The following P2RY2 variants were observed in gnomAD, a reference collection of about 807,000 sequenced individuals.
P2RY2 encodes purinergic receptor P2Y2.
For missense variants in P2RY2, 567 were observed against 515.7 expected (o/e 1.10, Z -0.96); for synonymous variants, 241 against 231.9 (o/e 1.04, Z -0.35).
In P2RY2 at chr11:73,235,610, A is replaced by G; in HGVS notation, c.*317A>G. On this transcript the variant is annotated 3_prime_UTR_variant, in exon 3 of 3. Transcript: ENST00000393597. Reference sequence around the variant, plus strand: ...TGTACTGCCAAGGTACCTAGGTTGGAGTCCAGCCTAATCAAGTCAAATGGA... The same window carrying G: ...TGTACTGCCAAGGTACCTAGGTTGGGGTCCAGCCTAATCAAGTCAAATGGA... 1 of 1,085,900 alleles carries G rather than the reference A, an allele frequency of 9.2e-7. No individual in the cohort carries two copies. Among genetic ancestry groups the G allele is most frequent in the Non-Finnish European group, 1.1e-6 (1 of 886,698 alleles). 67.3% of individuals were successfully genotyped at this position (1,085,900 alleles called of 1,614,324 possible). A position where few individuals can be genotyped will look rare whatever the true frequency, so the allele number is the denominator to read the frequency against.
intron 1 of P2RY2, among the ~76,000 whole-genome samples, chr11:73,222,679 G>A (rs1372445435): frequency 6.6e-6 from 1 of 152,024 alleles, no homozygotes. Context: ...TGCCTTCAGA[G>A]CCCTCCTCCC....
At position 73,228,195 on chromosome 11, in the gene P2RY2, G is replaced by GGGGC. The variant is rs1862341926; in HGVS notation, c.-5+23_-5+24insCGGG. 1 of 132,822 alleles carries GGGGC rather than the reference G, an allele frequency of 7.5e-6. No homozygotes were observed. Among genetic ancestry groups the GGGGC allele is most frequent in the African/African-American group, 2.6e-5 (1 of 37,940 alleles). 8.2% of individuals were successfully genotyped at this position (132,822 alleles called of 1,614,324 possible). ...GGTCAGGTACGTGGGGTGGGGGTGG[G>GGGGC]GGGGAGCGGGTACGCTGGCCGGGAG... is the stretch of plus-strand genomic sequence containing the variant. On this transcript the variant is annotated intron_variant, in intron 2 of 2. Transcript: ENST00000393597.
chr11:73,230,367 A>G (rs1477459046), intron 2 of P2RY2, among the ~76,000 whole-genome samples: 4 of 151,692 alleles, frequency 2.6e-5, no homozygotes, highest in Non-Finnish European at 4.4e-5. Context: ...CTGGCTCACC[A>G]CAATCACCTC....
chr11:73,235,353 G>A lies in P2RY2; in HGVS notation c.*60G>A. 3 of 1,508,814 alleles carry A rather than the reference G, an allele frequency of 2.0e-6. No homozygotes were observed. Among genetic ancestry groups the A allele is most frequent in the Non-Finnish European group, 2.7e-6 (3 of 1,128,866 alleles). 93.5% of individuals were successfully genotyped at this position (1,508,814 alleles called of 1,614,324 possible). On this transcript the variant is annotated 3_prime_UTR_variant, in exon 3 of 3. Coordinates refer to ENST00000393597, the MANE Select transcript of P2RY2 (RefSeq NM_002564.4). ...GGGAAGCTGTAGAGGACCAGGACTT[G>A]TGCAGACGCCACAGTCTCCCCAGAT...
chr11:73,234,773 TG>T lies in P2RY2; in HGVS notation c.615del (p.Leu206SerfsTer21), dbSNP rs759956382. The T allele has an allele frequency of 3.1e-6, 5 of 1,611,748 alleles. No individual in the cohort carries two copies. Among genetic ancestry groups the T allele is most frequent in the Non-Finnish European group, 4.2e-6 (5 of 1,179,942 alleles). ...FVAYSSVMLG[L>X]LFAVPFAVIL... ...GCCTACAGCTCAGTCATGCTGGGCC[TG>T]CTCTTCGCGGTGCCCTTTGCCGTCA... On this transcript the variant is annotated frameshift_variant, in exon 3 of 3. Transcript: ENST00000393597. LOFTEE classifies it low-confidence loss of function (END_TRUNC).
chr11:73,232,698 C>T (rs1050450003), intron 2 of P2RY2, among the ~76,000 whole-genome samples: 1 of 152,168 alleles, frequency 6.6e-6, no homozygotes, highest in African/African-American at 2.4e-5. Context: ...TGTGAGCCAC[C>T]GCGCCCGGCC....
rs1862709374 is a variant in P2RY2 at position 73,238,600 on chromosome 11, C to T, written c.*3307C>T. ...AGGGAAGTCGTGTATTGACCCATGT[C>T]CCACGCACCCTCTCATCTATGTTAT... On this transcript the variant is annotated 3_prime_UTR_variant, in exon 3 of 3. Transcript: ENST00000393597. Among the ~76,000 whole-genome samples the T allele has an allele frequency of 6.6e-6, 1 of 152,192 alleles. No individual in the cohort carries two copies. Among genetic ancestry groups the T allele is most frequent in the South Asian group, 2.1e-4 (1 of 4,834 alleles).
Position 73,234,447 on chromosome 11 carries a change from C to T in P2RY2, c.288C>T (p.Gly96=). 6.2e-7 allele frequency: 1 copy of T among 1,614,100 alleles called. No homozygotes were observed. Among genetic ancestry groups the T allele is most frequent in the South Asian group, 1.1e-5 (1 of 91,088 alleles). ...TGCTGGTCTATTACTACGCCCGCGGCGACCACTGGCCCTTCAGCACGGTGC... is the reference window on the plus strand; with the variant it reads ...TGCTGGTCTATTACTACGCCCGCGGTGACCACTGGCCCTTCAGCACGGTGC... ...LPLLVYYYAR[G]DHWPFSTVLC... The change falls in exon 3 of 3, where the codon GGC becomes GGT. Residue 96 remains glycine (G), a synonymous_variant. Coordinates refer to ENST00000393597, the MANE Select transcript of P2RY2 (RefSeq NM_002564.4).
chr11:73,224,219 T>A (rs554671607), intron 1 of P2RY2, among the ~76,000 whole-genome samples: 2 of 152,286 alleles, frequency 1.3e-5, no homozygotes, highest in Admixed American at 6.5e-5. Context: ...TTGAAGGACA[T>A]TGGGGAGGAG....
intron 1 of P2RY2, among the ~76,000 whole-genome samples, chr11:73,218,954 G>T (rs936242144): frequency 5.9e-5 from 9 of 152,180 alleles, no homozygotes; most frequent in Non-Finnish European, 1.2e-4. Context: ...AGGAGGGAGT[G>T]GCCAGAAAGG....
chr11:73,230,499 T>A (rs554342397), intron 2 of P2RY2, among the ~76,000 whole-genome samples: 52 of 152,174 alleles, frequency 3.4e-4, no homozygotes, highest in African/African-American at 1.2e-3. Flanking sequence ...ACTCCAGACA[T>A]TTTATGCAAA....
Position 73,237,331 on chromosome 11 carries a change from T to C in P2RY2, c.*2038T>C, listed in dbSNP as rs1187091798. ...CTGCGGTCTTGGCTCACTGCAACTCTCTGCCTCCCGGGTTCAAGCAATTCT... is the reference window on the plus strand; with the variant it reads ...CTGCGGTCTTGGCTCACTGCAACTCCCTGCCTCCCGGGTTCAAGCAATTCT... On this transcript the variant is annotated 3_prime_UTR_variant, in exon 3 of 3. Transcript: ENST00000393597. Among the ~76,000 whole-genome samples, 4 of 152,192 alleles carry C rather than the reference T, an allele frequency of 2.6e-5. No homozygotes were observed. In the East Asian group the frequency reaches 7.7e-4, roughly 29 times the overall value.
Position 73,235,303 on chromosome 11 carries a change from A to T in P2RY2, c.*10A>T, listed in dbSNP as rs747192977. ...GGACATTCGGCTGTAGGAGCAGAAC[A>T]CTTCAGCCTGTGCAGGTTTATATTG... On this transcript the variant is annotated 3_prime_UTR_variant, in exon 3 of 3. Transcript: ENST00000393597. 2.6e-6 allele frequency: 4 copies of T among 1,532,726 alleles called. No individual in the cohort carries two copies. In the African/African-American group the frequency reaches 4.1e-5, roughly 16 times the overall value. The allele number at this position is 1,532,726 out of a possible 1,614,324, so 94.9% of individuals were successfully genotyped here.
In P2RY2 at chr11:73,234,513, C is replaced by G. The variant is rs1480872903; in HGVS notation, c.354C>G (p.Tyr118Ter). 4.3e-6 allele frequency: 7 copies of G among 1,612,316 alleles called. No individual in the cohort carries two copies. The highest frequency in any genetic ancestry group is 5.9e-6 in the Non-Finnish European group (7 of 1,178,894). ...LVRFLFYTNL[Y>*]CSILFLTCIS... ...GCTTCCTCTTCTACACCAACCTTTA[C>G]TGCAGCATCCTCTTCCTCACCTGCA... The change falls in exon 3 of 3, where the codon TAC (tyrosine) becomes TAG (stop). Residue 118 changes from tyrosine (Y) to a stop codon, truncating the protein, a stop_gained. Transcript: ENST00000393597. LOFTEE classifies it low-confidence loss of function (END_TRUNC).
At chr11:73,232,977 G>C (rs138290492) in intron 2 of P2RY2, among the ~76,000 whole-genome samples, 3 of 152,252 alleles carry the variant, frequency 2.0e-5, no homozygotes, top group African/African-American at 7.2e-5. Flanking sequence ...GAGGGGACAA[G>C]CTGCTCCCTG....
At chr11:73,224,701 G>A (rs1862226837) in intron 1 of P2RY2, among the ~76,000 whole-genome samples, 1 of 152,146 alleles carries the variant, frequency 6.6e-6, no homozygotes, top group African/African-American at 2.4e-5. Flanking sequence ...CCTGAGGATG[G>A]CCTTCAGTGT....
intron 1 of P2RY2, among the ~76,000 whole-genome samples, chr11:73,224,100 G>A (rs373531576): frequency 2.0e-5 from 3 of 152,210 alleles, no homozygotes; most frequent in South Asian, 2.1e-4. Flanking sequence ...CAACAGCACC[G>A]GCTGATAGCA....
chr11:73,234,874 G>A lies in P2RY2; in HGVS notation c.715G>A (p.Ala239Thr). Reference sequence around the variant, plus strand: ...CGGGACCTCGGGCGGCCTGCCTAGGGCCAAGCGCAAGTCCGTGCGCACCAT... The same window carrying A: ...CGGGACCTCGGGCGGCCTGCCTAGGACCAAGCGCAAGTCCGTGCGCACCAT... ...AYGTSGGLPR[A>T]KRKSVRTIAV... Residue 239 changes from alanine to threonine, a missense_variant, in exon 3 of 3, where the codon GCC becomes ACC. Coordinates refer to ENST00000393597, the MANE Select transcript of P2RY2 (RefSeq NM_002564.4). The A allele has an allele frequency of 6.2e-7, 1 of 1,610,574 alleles. No individual in the cohort carries two copies.
intron 1 of P2RY2, among the ~76,000 whole-genome samples, chr11:73,220,354 C>T (rs889649534): frequency 5.3e-5 from 8 of 152,214 alleles, no homozygotes; most frequent in African/African-American, 1.9e-4. Flanking sequence ...TCAGAAAGCG[C>T]TCTCTGGCTG....
Sources: gnomAD v4.1 joint callset for allele counts (sites outside exome capture counted in the v4.1 genomes callset) on GRCh38, gnomAD v4.1.1 for gene constraint, MANE v1.5 for transcripts, NCBI Gene and HGNC (gene_info 2026-07-23, HGNC 2026-07-21) for gene names.